RFX8: variants seen among roughly 807,000 people sequenced by gnomAD.
RFX8 encodes DNA-binding protein RFX8.
In RFX8, 46 loss-of-function variants were observed where a neutral mutation model predicts 54.6. The observed-to-expected ratio is 0.84, with a 90% CI of 0.67 to 1.08. RFX8 has a LOEUF of 1.08. Ranked by LOEUF, RFX8 falls within the 50% of genes least tolerant of loss-of-function variation. The probability of loss-of-function intolerance (pLI) is 0.00; values close to 1 mark genes in which losing one functional copy is unlikely to be tolerated. For missense variants in RFX8, 536 were observed against 562.3 expected (o/e 0.95, Z 0.47); for synonymous variants, 192 against 209.5 (o/e 0.92, Z 0.72).
At chr2:101,436,170 G>A (rs928497978) in intron 2 of RFX8, among the ~76,000 whole-genome samples, 5 of 152,156 alleles carry the variant, frequency 3.3e-5, no homozygotes, top group Non-Finnish European at 7.3e-5. Context: ...AGGGCTTAGG[G>A]GGCAATATAG....
chr2:101,429,031 C>A (rs547991621), intron 2 of RFX8: 2 of 1,510,100 alleles, frequency 1.3e-6, no homozygotes, highest in East Asian at 2.5e-5. Context: ...TGTGAAGGAA[C>A]AGAAAACAGA....
intron 2 of RFX8, among the ~76,000 whole-genome samples, chr2:101,433,500 T>A (rs189756024): frequency 1.2e-4 from 18 of 152,330 alleles, no homozygotes; most frequent in Non-Finnish European, 1.9e-4. Flanking sequence ...AGCACATAAC[T>A]CATCTTGTTT....
chr2:101,423,366 C>G (rs964783454), intron 2 of RFX8, among the ~76,000 whole-genome samples: 40 of 152,008 alleles, frequency 2.6e-4, no homozygotes, highest in African/African-American at 8.7e-4. Context: ...GTCACTCATG[C>G]TGCTGTCCCC....
intron 10 of RFX8, 85 bp from the exon 11 acceptor site, chr2:101,402,837 G>T (rs984660951): frequency 8.1e-7 from 1 of 1,227,892 alleles, no homozygotes; most frequent in African/African-American, 1.5e-5. Flanking sequence ...CTTTTCTGGG[G>T]CTAACACCTG....
chr2:101,465,065 G>A (rs1182690812), intron 2 of RFX8, among the ~76,000 whole-genome samples: 1 of 152,106 alleles, frequency 6.6e-6, no homozygotes, highest in African/African-American at 2.4e-5. Context: ...AGCAGCTGGG[G>A]GAATTCCCAG....
At chr2:101,432,170 C>T (rs770872801) in intron 2 of RFX8, among the ~76,000 whole-genome samples, 16 of 152,270 alleles carry the variant, frequency 1.1e-4, no homozygotes, top group South Asian at 2.1e-4. Flanking sequence ...GCTTACAACA[C>T]GGGTCAACAT....
intron 2 of RFX8, among the ~76,000 whole-genome samples, chr2:101,446,059 G>A (rs1688359670): frequency 9.2e-5 from 1 of 10,926 alleles, no homozygotes; most frequent in Admixed American, 4.3e-4. Context: ...ATACACTTTT[G>A]TATGTTCTGA....
At chr2:101,425,796 G>A (rs1327723083) in intron 2 of RFX8, among the ~76,000 whole-genome samples, 1 of 152,158 alleles carries the variant, frequency 6.6e-6, no homozygotes, top group Non-Finnish European at 1.5e-5. Context: ...AGTAAAAGTA[G>A]CGTACAGAGC....
chr2:101,467,867 T>G (rs1689664916), intron 1 of RFX8, among the ~76,000 whole-genome samples: 1 of 151,212 alleles, frequency 6.6e-6, no homozygotes, highest in Admixed American at 6.6e-5. Context: ...ACCATCGTTC[T>G]TTAAAAAAAA....
At chr2:101,433,649 T>C (rs564083446) in intron 2 of RFX8, among the ~76,000 whole-genome samples, 33 of 152,364 alleles carry the variant, frequency 2.2e-4, no homozygotes, top group Middle Eastern at 6.8e-3. Context: ...CAGACTTTCA[T>C]TGACATCATT....
chr2:101,397,881 G>A (rs943913485), intron 11 of RFX8, among the ~76,000 whole-genome samples, 157 bp from the exon 12 acceptor site: 8 of 151,458 alleles, frequency 5.3e-5, no homozygotes, highest in Non-Finnish European at 1.0e-4. Flanking sequence ...TTTTTGAGAC[G>A]GAGTTCCACT....
intron 6 of RFX8, 147 bp from the exon 7 acceptor site, chr2:101,415,059 T>C: frequency 1.1e-5 from 7 of 621,984 alleles, no homozygotes. Context: ...TGGCCCTCTC[T>C]GAGTGGCTAG....
chr2:101,434,317 G>C (rs1398809326), intron 2 of RFX8, among the ~76,000 whole-genome samples: 1 of 152,180 alleles, frequency 6.6e-6, no homozygotes, highest in Non-Finnish European at 1.5e-5. Context: ...TTTAAAATCT[G>C]GTCTTCTGTG....
intron 9 of RFX8, among the ~76,000 whole-genome samples, chr2:101,407,141 A>C (rs79805304): frequency 3.8e-4 from 58 of 152,288 alleles, no homozygotes; most frequent in East Asian, 1.9e-4. Flanking sequence ...GCTCCACCAC[A>C]TGTCTTTGAG....
chr2:101,401,685 G>C (rs949635869), intron 11 of RFX8, among the ~76,000 whole-genome samples: 13 of 152,074 alleles, frequency 8.5e-5, no homozygotes, highest in African/African-American at 2.7e-4. Context: ...CATCAGTCCA[G>C]CTCTGCTTCA....
rs184385741 is a variant in RFX8 at position 101,401,581 on chromosome 2, A to T, written c.1245+855T>A. Among the ~76,000 whole-genome samples the T allele has an allele frequency of 5.8e-4, 89 of 152,246 alleles. 3 individuals are homozygous for T. In the East Asian group the frequency reaches 0.017, roughly 29 times the overall value. On this transcript the variant is annotated intron_variant, in intron 11 of 11. Transcript: ENST00000428343. ...GGCGGATAGCGGCTAAACATCAAATATGTGCAGAGAAATTAGCCCTAAGAC... is the reference window on the plus strand; with the variant it reads ...GGCGGATAGCGGCTAAACATCAAATTTGTGCAGAGAAATTAGCCCTAAGAC...
At chr2:101,405,600 T>C (rs1396939565) in intron 10 of RFX8, among the ~76,000 whole-genome samples, 1 of 152,192 alleles carries the variant, frequency 6.6e-6, no homozygotes, top group African/African-American at 2.4e-5. Context: ...GAGAGTTAAG[T>C]ATGAGTGCTT....
intron 8 of RFX8, among the ~76,000 whole-genome samples, chr2:101,411,840 C>G (rs1321439208): frequency 1.3e-5 from 2 of 152,130 alleles, no homozygotes; most frequent in Non-Finnish European, 2.9e-5. Context: ...TAATAACTGG[C>G]ACAACCCTAC....
At chr2:101,441,529 G>A (rs1307484424) in intron 2 of RFX8, among the ~76,000 whole-genome samples, 2 of 152,174 alleles carry the variant, frequency 1.3e-5, no homozygotes, top group Non-Finnish European at 2.9e-5. Flanking sequence ...CTCACTGGAT[G>A]TGGCCCCTTG....
Sources: gnomAD v4.1 joint callset for allele counts (sites outside exome capture counted in the v4.1 genomes callset) on GRCh38, gnomAD v4.1.1 for gene constraint, MANE v1.5 for transcripts, NCBI Gene and HGNC (gene_info 2026-07-23, HGNC 2026-07-21) for gene names.